Variants in SEC24A observed in about 807,000 individuals in gnomAD.
SEC24A encodes SEC24 homolog A, COPII component.
Under a neutral mutation model 129.4 loss-of-function variants are expected in SEC24A, and 93 were observed. The ratio of observed to expected loss-of-function variants is 0.72; its 90% CI spans 0.61 to 0.85. The LOEUF is 0.85. Among genes scored for constraint, SEC24A ranks in the 40% least tolerant of loss-of-function variants. The pLI, the probability that SEC24A is intolerant of heterozygous loss-of-function variation, is 0.00. For missense variants in SEC24A, 1,264 were observed against 1,307.4 expected (o/e 0.97, Z 0.51); for synonymous variants, 460 against 467.3 (o/e 0.98, Z 0.20).
rs1316674808 is a variant in SEC24A at position 134,725,904 on chromosome 5, G to A, written c.*810G>A. On this transcript the variant is annotated 3_prime_UTR_variant, in exon 23 of 23. Coordinates refer to ENST00000398844, the MANE Select transcript of SEC24A (RefSeq NM_021982.3). ...AACTTTAATTATCTTGATCCTTTAA[G>A]TGGATTTTATTTGGTGCATTTCTGC... 6.6e-6 allele frequency: 1 copy of A among 152,218 alleles called. No homozygotes were observed. The highest frequency in any genetic ancestry group is 1.5e-5 in the Non-Finnish European group (1 of 67,954). The allele number at this position is 152,218 out of a possible 1,614,324, so 9.4% of individuals were successfully genotyped here. A position where few individuals can be genotyped will look rare whatever the true frequency, so the allele number is the denominator to read the frequency against.
rs1316370730 is a variant in SEC24A at position 134,714,926 on chromosome 5, C to T, written c.2728-98C>T. On this transcript the variant is annotated intron_variant, in intron 18 of 22. Transcript: ENST00000398844. Reference sequence around the variant, plus strand: ...AAAATTAACAGTAAATTTGTGAATTCTCTCTGAAAATATTCTTTTAACAAC... The same window carrying T: ...AAAATTAACAGTAAATTTGTGAATTTTCTCTGAAAATATTCTTTTAACAAC... 4.8e-6 allele frequency: 6 copies of T among 1,243,024 alleles called. No homozygotes were observed. In the East Asian group the frequency reaches 1.2e-4, roughly 26 times the overall value. The allele number at this position is 1,243,024 out of a possible 1,614,324, so 77.0% of individuals were successfully genotyped here.
intron 1 of SEC24A, 114 bp downstream of exon 1, chr5:134,649,287 C>T: frequency 4.1e-6 from 3 of 727,634 alleles, no homozygotes; most frequent in South Asian, 2.2e-5. Flanking sequence ...CGGGTTCTGG[C>T]GCGGATGGTG....
chr5:134,677,551 A>G (rs945550394), intron 7 of SEC24A, among the ~76,000 whole-genome samples: 2 of 146,328 alleles, frequency 1.4e-5, no homozygotes, highest in African/African-American at 2.6e-5. Flanking sequence ...AAAAAAAAAA[A>G]TAAAGGCCAG....
chr5:134,674,064 T>G (rs1264311500), intron 4 of SEC24A, among the ~76,000 whole-genome samples: 2 of 151,690 alleles, frequency 1.3e-5, no homozygotes, highest in African/African-American at 4.8e-5. Context: ...ACCCGGGAGG[T>G]AGAGGTTGCA....
chr5:134,721,962 T>G lies in SEC24A; in HGVS notation c.3063+872T>G, dbSNP rs867118033. Among the ~76,000 whole-genome samples, 64 of 152,206 alleles carry G rather than the reference T, an allele frequency of 4.2e-4. 1 individual carries two copies. Among genetic ancestry groups the G allele is most frequent in the African/African-American group, 1.4e-3 (58 of 41,460 alleles). The stretch of plus-strand genomic sequence containing the variant: ...CCTTAAACAGAACTACTGGGCTGGA[T>G]GACTAAGCGTTTTAGGTAATGAGTA... On this transcript the variant is annotated intron_variant, in intron 21 of 22. Coordinates refer to ENST00000398844, the MANE Select transcript of SEC24A (RefSeq NM_021982.3).
intron 10 of SEC24A, 147 bp downstream of exon 10, chr5:134,687,049 C>A: frequency 2.1e-6 from 1 of 483,266 alleles, no homozygotes; most frequent in Non-Finnish European, 3.6e-6. Flanking sequence ...ACTTTCTCTT[C>A]GAAACATTAT....
intron 1 of SEC24A, among the ~76,000 whole-genome samples, chr5:134,655,592 C>T (rs1052586646): frequency 2.6e-5 from 4 of 151,922 alleles, no homozygotes; most frequent in Non-Finnish European, 5.9e-5. Context: ...CACTTGAACC[C>T]GAGAGGTGGA....
intron 7 of SEC24A, among the ~76,000 whole-genome samples, chr5:134,678,966 T>A (rs952763713): frequency 6.6e-6 from 1 of 152,136 alleles, no homozygotes; most frequent in Non-Finnish European, 1.5e-5. Flanking sequence ...CTTCCTGCCT[T>A]GGCCTCCCAC....
chr5:134,661,985 G>T (rs1750480837), intron 2 of SEC24A, among the ~76,000 whole-genome samples: 1 of 150,794 alleles, frequency 6.6e-6, no homozygotes, highest in East Asian at 2.0e-4. Flanking sequence ...ACGTGCCACT[G>T]CACCCAGCTA....
chr5:134,674,074 A>G (rs750753310), intron 4 of SEC24A, among the ~76,000 whole-genome samples: 1 of 152,150 alleles, frequency 6.6e-6, no homozygotes, highest in Non-Finnish European at 1.5e-5. Context: ...TAGAGGTTGC[A>G]GTGAGCCAAG....
chr5:134,688,152 A>G (rs1230614745), intron 10 of SEC24A, 29 bp from the exon 11 acceptor site: 2 of 1,264,598 alleles, frequency 1.6e-6, no homozygotes, highest in South Asian at 2.4e-5. Flanking sequence ...TTAAAACTTG[A>G]TAAAATACTC....
chr5:134,704,745 G>T (rs1752100892), intron 16 of SEC24A, among the ~76,000 whole-genome samples: 1 of 151,322 alleles, frequency 6.6e-6, no homozygotes, highest in East Asian at 1.9e-4. Context: ...TGAGGCTGCA[G>T]TGAGTTATGA....
chr5:134,690,817 A>T (rs1236578799), intron 11 of SEC24A, among the ~76,000 whole-genome samples: 1 of 152,058 alleles, frequency 6.6e-6, no homozygotes, highest in African/African-American at 2.4e-5. Flanking sequence ...TTGCAGTCCC[A>T]TTAATTTTGT....
intron 15 of SEC24A, among the ~76,000 whole-genome samples, chr5:134,700,208 T>C (rs1282049715): frequency 6.6e-6 from 1 of 151,968 alleles, no homozygotes; most frequent in African/African-American, 2.4e-5. Context: ...GGTAATTTTC[T>C]TTCTTCTTCT....
chr5:134,671,225 A>AT (rs1019347798), intron 3 of SEC24A, among the ~76,000 whole-genome samples: 11 of 151,520 alleles, frequency 7.3e-5, no homozygotes, highest in African/African-American at 2.2e-4. Context: ...CACCCAGCTA[A>AT]TTTTTTTTGT....
chr5:134,661,550 G>C lies in SEC24A; in HGVS notation c.529G>C (p.Gly177Arg). 6.2e-7 allele frequency: 1 copy of C among 1,613,822 alleles called. No individual in the cohort carries two copies. The highest frequency in any genetic ancestry group is 8.5e-7 in the Non-Finnish European group (1 of 1,179,798). Residue 177 changes from glycine (G) to arginine (R), a missense_variant, in exon 2 of 23, where the codon GGA (glycine) becomes CGA (arginine). Coordinates refer to ENST00000398844, the MANE Select transcript of SEC24A (RefSeq NM_021982.3). Reference protein sequence around the residue: ...LTTNHQYVSSGYPSLQNSFIK... With the variant: ...LTTNHQYVSSRYPSLQNSFIK... ...CACAAATCATCAATATGTTTCTTCTGGATATCCTTCACTTCAAAATAGCTT... is the reference window on the plus strand; with the variant it reads ...CACAAATCATCAATATGTTTCTTCTCGATATCCTTCACTTCAAAATAGCTT...
chr5:134,721,014 T>C lies in SEC24A; in HGVS notation c.2987T>C (p.Val996Ala), dbSNP rs370984395. Residue 996 changes from valine (V) to alanine (A), a missense_variant, in exon 21 of 23, where the codon GTT becomes GCT. Transcript: ENST00000398844. Reference protein sequence around the residue: ...MDAGSVLMLWVGKNCTQNFLS... With the variant: ...MDAGSVLMLWAGKNCTQNFLS... ...TGTCCCTAGGTACTGATGCTTTGGGTTGGAAAAAATTGTACACAGAATTTT... is the reference window on the plus strand; with the variant it reads ...TGTCCCTAGGTACTGATGCTTTGGGCTGGAAAAAATTGTACACAGAATTTT... The C allele has an allele frequency of 4.6e-5, 74 of 1,610,800 alleles. No homozygotes were observed. The highest frequency in any genetic ancestry group is 5.3e-5 in the Non-Finnish European group (62 of 1,177,232).
At chr5:134,693,681 A>C in intron 12 of SEC24A, 46 bp from the exon 13 acceptor site, 1 of 1,599,550 alleles carries the variant, frequency 6.3e-7, no homozygotes, top group Non-Finnish European at 8.5e-7. Context: ...AATGTGAAAT[A>C]AAATTTTAAT....
At chr5:134,721,478 G>A (rs553844454) in intron 21 of SEC24A, among the ~76,000 whole-genome samples, 2 of 148,962 alleles carry the variant, frequency 1.3e-5, no homozygotes, top group African/African-American at 2.5e-5. Flanking sequence ...CAGGAGAATC[G>A]CTTGAACCCA....
Sources: gnomAD v4.1 joint callset for allele counts (sites outside exome capture counted in the v4.1 genomes callset) on GRCh38, gnomAD v4.1.1 for gene constraint, MANE v1.5 for transcripts, NCBI Gene and HGNC (gene_info 2026-07-23, HGNC 2026-07-21) for gene names.